The following KCNIP1 variants were observed in gnomAD, a reference collection of about 807,000 sequenced individuals.
The protein encoded by KCNIP1 is A-type potassium channel modulatory protein KCNIP1.
In KCNIP1, 18 loss-of-function variants were observed where a neutral mutation model predicts 33.0. The observed-to-expected ratio is 0.55, with a 90% CI of 0.38 to 0.81. The LOEUF is 0.81. Among genes scored for constraint, KCNIP1 ranks in the 30% least tolerant of loss-of-function variants. The pLI, the probability that KCNIP1 is intolerant of heterozygous loss-of-function variation, is 0.00. For synonymous variants in KCNIP1, 93 were observed against 98.3 expected (o/e 0.95, Z 0.32); for missense variants, 238 against 271.6 (o/e 0.88, Z 0.87).
At chr5:170,590,085 C>T (rs1428010593) in intron 1 of KCNIP1, among the ~76,000 whole-genome samples, 2 of 152,080 alleles carry the variant, frequency 1.3e-5, no homozygotes, top group African/African-American at 2.4e-5. Context: ...TGGAGCATAG[C>T]GCATGGCCGA....
chr5:170,445,768 C>G lies in KCNIP1; in HGVS notation c.88+91804C>G, dbSNP rs559204592. Among the ~76,000 whole-genome samples, 7 of 152,310 alleles carry G rather than the reference C, an allele frequency of 4.6e-5. No homozygotes were observed. The South Asian group carries it at 1.5e-3, about 32-fold the overall frequency. ...GCTCCCTTTCCATCTGTAGAGATCTCCTTGGATCTAAATTATCAGGGCCTA... is the reference window on the plus strand; with the variant it reads ...GCTCCCTTTCCATCTGTAGAGATCTGCTTGGATCTAAATTATCAGGGCCTA... On this transcript the variant is annotated intron_variant, in intron 1 of 7. Coordinates refer to the KCNIP1 transcript ENST00000377360.
intron 1 of KCNIP1, among the ~76,000 whole-genome samples, chr5:170,694,929 T>C (rs1762841616): frequency 6.6e-6 from 1 of 152,224 alleles, no homozygotes; most frequent in African/African-American, 2.4e-5. Flanking sequence ...GGCAGTAAAC[T>C]AGCTGCTTTC....
Position 170,356,621 on chromosome 5 carries a change from G to A in KCNIP1, c.88+2657G>A, listed in dbSNP as rs1477093359. Among the ~76,000 whole-genome samples, 2 of 152,094 alleles carry A rather than the reference G, an allele frequency of 1.3e-5. 1 individual carries two copies. The highest frequency in any genetic ancestry group is 1.3e-4 in the Admixed American group (2 of 15,264). ...AATTTGTGGTCTGCATTCCCTTTAG[G>A]AACATGTTTGCTAAAGGCTCTCTTC... On this transcript the variant is annotated intron_variant, in intron 1 of 7. Transcript: ENST00000377360.
chr5:170,623,614 A>G (rs538847429), intron 1 of KCNIP1, among the ~76,000 whole-genome samples: 2 of 152,180 alleles, frequency 1.3e-5, no homozygotes, highest in East Asian at 3.9e-4. Flanking sequence ...CTCAGACGAA[A>G]CCGATGCGAA....
intron 1 of KCNIP1, among the ~76,000 whole-genome samples, chr5:170,570,634 A>G (rs3860758): frequency 0.33 from 50,825 of 152,244 alleles, 10,038 homozygotes; most frequent in Admixed American, 0.44. Flanking sequence ...AAAAGGGCTC[A>G]AAGGAATCGA....
At chr5:170,619,223 A>T (rs1349003949) in intron 1 of KCNIP1, among the ~76,000 whole-genome samples, 2 of 152,074 alleles carry the variant, frequency 1.3e-5, no homozygotes, top group Non-Finnish European at 2.9e-5. Context: ...CTTCCCTTCA[A>T]ATCTCTTCCC....
At chr5:170,362,845 C>T (rs1022404187) in intron 1 of KCNIP1, among the ~76,000 whole-genome samples, 3 of 152,160 alleles carry the variant, frequency 2.0e-5, no homozygotes, top group Non-Finnish European at 2.9e-5. Flanking sequence ...CAGGCTGGGC[C>T]GAGCCCAGGC....
chr5:170,478,819 G>C (rs886839857), intron 1 of KCNIP1, among the ~76,000 whole-genome samples: 1 of 152,008 alleles, frequency 6.6e-6, no homozygotes, highest in Non-Finnish European at 1.5e-5. Flanking sequence ...GAATAAAAAT[G>C]ACAGACAGCT....
chr5:170,505,945 C>T (rs1157760441), intron 1 of KCNIP1, among the ~76,000 whole-genome samples: 2 of 152,218 alleles, frequency 1.3e-5, no homozygotes, highest in African/African-American at 4.8e-5. Context: ...TGTTACCAGT[C>T]CTGACCAGAA....
intron 1 of KCNIP1, among the ~76,000 whole-genome samples, chr5:170,460,165 C>A (rs951433714): frequency 1.3e-5 from 2 of 152,098 alleles, no homozygotes; most frequent in Admixed American, 1.3e-4. Flanking sequence ...ATGAACAGAC[C>A]AATAACAAGC....
intron 2 of KCNIP1, 28 bp downstream of exon 2, chr5:170,718,910 T>G: frequency 6.3e-7 from 1 of 1,591,146 alleles, no homozygotes; most frequent in South Asian, 1.1e-5. Flanking sequence ...TCTGAAGGCC[T>G]GGGGGGGGTT....
At chr5:170,492,623 T>C (rs547075878) in intron 1 of KCNIP1, among the ~76,000 whole-genome samples, 66 of 152,268 alleles carry the variant, frequency 4.3e-4, no homozygotes, top group African/African-American at 1.5e-3. Flanking sequence ...AGCCCAATCC[T>C]GAAGCTATCA....
chr5:170,671,029 A>G (rs371925866), intron 1 of KCNIP1, among the ~76,000 whole-genome samples: 53 of 152,174 alleles, frequency 3.5e-4, no homozygotes, highest in African/African-American at 1.2e-3. Context: ...TTAGGCATTA[A>G]CACCACCTTG....
intron 1 of KCNIP1, among the ~76,000 whole-genome samples, chr5:170,545,979 C>G (rs1202991223): frequency 6.6e-6 from 1 of 152,182 alleles, no homozygotes; most frequent in Non-Finnish European, 1.5e-5. Context: ...TACATTCCAC[C>G]AGAGCAGCTT....
chr5:170,382,227 T>A (rs1440473964), intron 1 of KCNIP1, among the ~76,000 whole-genome samples: 1 of 152,174 alleles, frequency 6.6e-6, no homozygotes, highest in African/African-American at 2.4e-5. Context: ...AAGATTCCCA[T>A]TGCCAACAGC....
intron 1 of KCNIP1, among the ~76,000 whole-genome samples, chr5:170,707,192 C>A (rs1259953240): frequency 6.6e-6 from 1 of 150,432 alleles, no homozygotes; most frequent in African/African-American, 2.4e-5. Flanking sequence ...TCCCAGGGCA[C>A]TTTTTCCAGA....
intron 1 of KCNIP1, among the ~76,000 whole-genome samples, chr5:170,571,372 G>A (rs2113487343): frequency 6.6e-6 from 1 of 152,252 alleles, no homozygotes; most frequent in South Asian, 2.1e-4. Context: ...GCAAGACTTA[G>A]CTTCCTCCAG....
chr5:170,641,197 C>T (rs932520973), intron 1 of KCNIP1, among the ~76,000 whole-genome samples: 3 of 152,170 alleles, frequency 2.0e-5, no homozygotes, highest in African/African-American at 7.2e-5. Context: ...GCATGGCTTC[C>T]CCATCACTCT....
At chr5:170,715,906 G>C (rs1043544355) in intron 1 of KCNIP1, among the ~76,000 whole-genome samples, 1 of 152,134 alleles carries the variant, frequency 6.6e-6, no homozygotes, top group Non-Finnish European at 1.5e-5. Context: ...GGCTCCCCAC[G>C]GGTTCACGCT....
Sources: gnomAD v4.1 joint callset for allele counts (sites outside exome capture counted in the v4.1 genomes callset) on GRCh38, gnomAD v4.1.1 for gene constraint, MANE v1.5 for transcripts, NCBI Gene and HGNC (gene_info 2026-07-23, HGNC 2026-07-21) for gene names.